The following PPP2R1B variants were observed in gnomAD, a reference collection of about 807,000 sequenced individuals.
PPP2R1B encodes protein phosphatase 2 scaffold subunit Abeta, also known as serine/threonine-protein phosphatase 2A 65 kDa regulatory subunit A beta isoform.
Under a neutral mutation model 72.7 loss-of-function variants are expected in PPP2R1B, and 58 were observed. That is an observed-to-expected ratio of 0.80 (90% CI 0.65 to 0.99). The LOEUF is 0.99. Ranked by LOEUF, PPP2R1B falls within the 50% of genes least tolerant of loss-of-function variation. PPP2R1B has a pLI of 0.00. For missense variants in PPP2R1B, 695 were observed against 733.6 expected (o/e 0.95, Z 0.61); for synonymous variants, 256 against 264.6 (o/e 0.97, Z 0.32).
the PPP2R1B span, among the ~76,000 whole-genome samples, chr11:111,711,410 C>T: frequency 7.9e-5 from 12 of 152,222 alleles, no homozygotes; most frequent in East Asian, 1.7e-3. Context: ...CATGAGCCAC[C>T]GCGCCTGGCC....
At position 111,752,168 on chromosome 11, in the gene PPP2R1B, T is replaced by C; in HGVS notation, c.1329A>G (p.Ala443=). Residue 443 remains alanine (A), a synonymous_variant, in exon 10 of 15, where the codon GCA becomes GCG. Transcript: ENST00000527614. ...LAIIEYMPLL[A]GQLGVEFFDE... is the part of the protein sequence containing the mutation. ...AGCAACACATACTCACCAGCTGGCC[T>C]GCCAGCAGCGGCATATACTCAATGA... The C allele has an allele frequency of 6.2e-7, 1 of 1,608,326 alleles. No homozygotes were observed. Among genetic ancestry groups the C allele is most frequent in the Non-Finnish European group, 8.5e-7 (1 of 1,177,744 alleles).
chr11:111,756,392 A>T (rs1591703654), intron 5 of PPP2R1B, among the ~76,000 whole-genome samples: 1 of 152,140 alleles, frequency 6.6e-6, no homozygotes, highest in East Asian at 1.9e-4. Flanking sequence ...AAAAGAAAAA[A>T]AAAACATTTT....
chr11:111,701,122 T>C, the PPP2R1B span: 6 of 1,377,392 alleles, frequency 4.4e-6, no homozygotes, highest in Non-Finnish European at 4.9e-6. The surrounding 1 kb of genome is among the most constrained non-coding windows in gnomAD (Gnocchi z 4.2). Flanking sequence ...TTTCATATTT[T>C]CCCCATCCAC....
intron 8 of PPP2R1B, among the ~76,000 whole-genome samples, chr11:111,754,054 C>T (rs1237883278): frequency 1.3e-5 from 2 of 151,630 alleles, no homozygotes; most frequent in Non-Finnish European, 2.9e-5. Context: ...GTAGCTGGTA[C>T]TACAGGTGCA....
At chr11:111,755,625 T>C (rs1344179399) in intron 5 of PPP2R1B, among the ~76,000 whole-genome samples, 175 bp from the exon 6 acceptor site, 1 of 149,448 alleles carries the variant, frequency 6.7e-6, no homozygotes, top group Non-Finnish European at 1.5e-5. Flanking sequence ...GGTCTCACTC[T>C]GTCACCCAGA....
At chr11:111,715,005 G>A in the PPP2R1B span, among the ~76,000 whole-genome samples, 5 of 152,236 alleles carry the variant, frequency 3.3e-5, no homozygotes, top group African/African-American at 1.2e-4. Flanking sequence ...ATTGGGCACT[G>A]ACTGCTGTAT....
chr11:111,765,191 C>T (rs782655654), intron 2 of PPP2R1B, 103 bp downstream of exon 2: 17 of 1,225,340 alleles, frequency 1.4e-5, no homozygotes, highest in Non-Finnish European at 2.0e-5. Context: ...ACAAAAAACA[C>T]CTGGCTCATT....
the PPP2R1B span, among the ~76,000 whole-genome samples, chr11:111,711,486 G>A: frequency 6.6e-6 from 1 of 152,204 alleles, no homozygotes; most frequent in East Asian, 1.9e-4. Context: ...CAAACGAGAC[G>A]TGAGAACAGA....
intron 15 of PPP2R1B, chr11:111,730,593 CTTTTT>C (rs200758304): frequency 2.0e-5 from 3 of 150,742 alleles, no homozygotes; most frequent in African/African-American, 7.3e-5. Flanking sequence ...TTTCTGTGTG[CTTTTT>C]TTTAATTACT....
chr11:111,720,811 G>A, the PPP2R1B span: 1 of 1,572,478 alleles, frequency 6.4e-7, no homozygotes, highest in Non-Finnish European at 8.6e-7. Flanking sequence ...TAGGAGAGCA[G>A]TTTCTTGCCA....
At chr11:111,689,866 A>G in the PPP2R1B span, among the ~76,000 whole-genome samples, 1 of 152,026 alleles carries the variant, frequency 6.6e-6, no homozygotes, top group African/African-American at 2.4e-5. Flanking sequence ...ATGTTACAGG[A>G]TATGTAATGG....
At chr11:111,720,463 T>C in the PPP2R1B span, 2 of 1,584,502 alleles carry the variant, frequency 1.3e-6, no homozygotes, top group Non-Finnish European at 1.7e-6. Flanking sequence ...TTATCTGTTC[T>C]GTTTTCTCTT....
At chr11:111,701,361 A>T in the PPP2R1B span, 1 of 1,482,456 alleles carries the variant, frequency 6.7e-7, no homozygotes, top group Non-Finnish European at 9.1e-7. The surrounding 1 kb of genome is among the most constrained non-coding windows in gnomAD (Gnocchi z 4.2). Flanking sequence ...TTTTCAGTCC[A>T]TATGATTTCA....
intron 5 of PPP2R1B, among the ~76,000 whole-genome samples, chr11:111,756,770 A>G (rs1565468323): frequency 6.6e-6 from 1 of 152,210 alleles, no homozygotes; most frequent in African/African-American, 2.4e-5. Flanking sequence ...TAAACAGCCA[A>G]TGTCAACGTG....
At chr11:111,726,906 CA>C, downstream of PPP2R1B, 2 of 1,564,240 alleles carry the variant, frequency 1.3e-6, no homozygotes, top group Non-Finnish European at 1.8e-6. Flanking sequence ...TTTCGTTCGG[CA>C]AAAAGTGCAA....
At chr11:111,725,189 TTTAA>T (rs766540679), downstream of PPP2R1B, 18 of 152,784 alleles carry the variant, frequency 1.2e-4, no homozygotes, top group African/African-American at 2.2e-4. Context: ...CAGATCATGC[TTTAA>T]TTCTTTCTTT....
At chr11:111,688,257 T>A in the PPP2R1B span, 1 of 1,259,204 alleles carries the variant, frequency 7.9e-7, no homozygotes, top group South Asian at 1.3e-5. This position sits in a 1 kb window ranked among gnomAD's most constrained non-coding sequence, Gnocchi z 4.2. Flanking sequence ...CAGCAGCATT[T>A]CTACCTGATG....
At chr11:111,721,081 TC>T in the PPP2R1B span, 142 of 1,601,966 alleles carry the variant, frequency 8.9e-5, no homozygotes, top group Admixed American at 1.2e-4. Flanking sequence ...CTTGGGCCCT[TC>T]CCTCAATGGC....
Position 111,753,523 on chromosome 11 carries a change from T to C in PPP2R1B, c.1084A>G (p.Met362Val). 6.2e-7 allele frequency: 1 copy of C among 1,612,958 alleles called. No homozygotes were observed. The highest frequency in any genetic ancestry group is 8.5e-7 in the Non-Finnish European group (1 of 1,179,082). Residue 362 changes from methionine to valine, a missense_variant, in exon 9 of 15, where the codon ATG becomes GTG. Transcript: ENST00000527614. ...HVKSALASVI[M>V]GLSTILGKEN... is the part of the protein sequence containing the mutation. ...TTGCCCAAAATAGTAGACAATCCCA[T>C]AATTACAGAAGCTAGAGCCGATTTG...
Sources: allele counts gnomAD v4.1 joint callset (sites outside exome capture counted in the v4.1 genomes callset), GRCh38; gene constraint gnomAD v4.1.1; non-coding constraint Gnocchi (gnomAD v3.1); transcripts MANE v1.5; gene names NCBI Gene and HGNC (gene_info 2026-07-23, HGNC 2026-07-21).